The following ANKS1B variants were observed in gnomAD, a reference collection of about 807,000 sequenced individuals.
ANKS1B encodes the protein ankyrin repeat and sterile alpha motif domain-containing protein 1B.
Under a neutral mutation model 148.3 loss-of-function variants are expected in ANKS1B, and 36 were observed. The observed-to-expected ratio is 0.24, with a 90% CI of 0.19 to 0.32. ANKS1B has a LOEUF of 0.32. Among genes scored for constraint, ANKS1B ranks in the 10% least tolerant of loss-of-function variants. ANKS1B has a pLI of 1.00. For synonymous variants in ANKS1B, 542 were observed against 560.8 expected (o/e 0.97, Z 0.47); for missense variants, 1,157 against 1,542.6 (o/e 0.75, Z 4.19).
chr12:99,211,141 C>T (rs1601708643), intron 14 of ANKS1B, among the ~76,000 whole-genome samples: 1 of 152,162 alleles, frequency 6.6e-6, no homozygotes, highest in African/African-American at 2.4e-5. Flanking sequence ...TAACTTAGGG[C>T]TAATGCCCCT....
intron 8 of ANKS1B, among the ~76,000 whole-genome samples, chr12:99,718,837 C>T (rs1269119380): frequency 6.6e-6 from 1 of 152,188 alleles, no homozygotes; most frequent in Non-Finnish European, 1.5e-5. Context: ...TCAGGCTCAG[C>T]AAATTACCTG....
chr12:99,347,015 T>G (rs1004711599), intron 12 of ANKS1B, among the ~76,000 whole-genome samples: 1 of 152,102 alleles, frequency 6.6e-6, no homozygotes, highest in East Asian at 1.9e-4. Context: ...GTTCTACCAG[T>G]GTGGGTCCTG....
Position 99,580,439 on chromosome 12 carries a change from G to A in ANKS1B, c.1272+74628C>T, listed in dbSNP as rs77724722. 3.4e-3 allele frequency among the ~76,000 whole-genome samples: 513 copies of A among 152,176 alleles called. 28 individuals carry two copies. In the East Asian group the frequency reaches 0.09, roughly 27 times the overall value. ...CCTATTAGGGATAAATATAATGACA[G>A]AACATTGCTCAAAGAAATTTGAAAC... On this transcript the variant is annotated intron_variant, in intron 9 of 26. Coordinates refer to ENST00000683438, the MANE Select transcript of ANKS1B (RefSeq NM_001352186.2).
chr12:98,759,709 A>T (rs182371766), intron 25 of ANKS1B, among the ~76,000 whole-genome samples: 66 of 152,320 alleles, frequency 4.3e-4, no homozygotes, highest in African/African-American at 1.6e-3. Flanking sequence ...AGGACTGATT[A>T]AGTAGAATAC....
chr12:98,819,227 G>A lies in ANKS1B; in HGVS notation c.3066+9947C>T, dbSNP rs1009699433. ...TGGAAAAGGATAATGTAAATCCAGC[G>A]CTGCTGAGAAAGGAGGCGTAGCTAT... On this transcript the variant is annotated intron_variant, in intron 19 of 26. Coordinates refer to ENST00000683438, the MANE Select transcript of ANKS1B (RefSeq NM_001352186.2). 5.3e-5 allele frequency among the ~76,000 whole-genome samples: 8 copies of A among 152,320 alleles called. No homozygotes were observed. In the East Asian group the frequency reaches 9.6e-4, roughly 18 times the overall value.
At chr12:99,504,424 T>C (rs939851081) in intron 10 of ANKS1B, 52 bp downstream of exon 10, 6 of 1,566,878 alleles carry the variant, frequency 3.8e-6, no homozygotes, top group Non-Finnish European at 5.2e-6. Context: ...TGCATCTTCA[T>C]ATGAATAAGC....
At chr12:99,166,122 C>T (rs1236280790) in intron 14 of ANKS1B, among the ~76,000 whole-genome samples, 1 of 151,214 alleles carries the variant, frequency 6.6e-6, no homozygotes, top group Non-Finnish European at 1.5e-5. Flanking sequence ...TTTCTTAATC[C>T]TGATAAAAAG....
chr12:99,550,487 G>A (rs1459154878), intron 9 of ANKS1B, among the ~76,000 whole-genome samples: 1 of 152,066 alleles, frequency 6.6e-6, no homozygotes, highest in Non-Finnish European at 1.5e-5. Flanking sequence ...AGCTGGGCAT[G>A]GTGGCTGGCA....
chr12:99,180,488 T>A (rs763866355), intron 14 of ANKS1B, among the ~76,000 whole-genome samples: 1 of 152,162 alleles, frequency 6.6e-6, no homozygotes, highest in Non-Finnish European at 1.5e-5. Flanking sequence ...CAGTGCTTAC[T>A]TTCCCAAAAA....
chr12:99,672,754 G>T (rs1500659), intron 8 of ANKS1B, among the ~76,000 whole-genome samples: 41,514 of 151,946 alleles, frequency 0.27, 5,985 homozygotes, highest in Non-Finnish European at 0.3. Context: ...CCCAGCCATA[G>T]AATACCTTTA....
chr12:99,950,533 TA>T (rs1259204599), intron 1 of ANKS1B, among the ~76,000 whole-genome samples: 1 of 152,196 alleles, frequency 6.6e-6, no homozygotes, highest in East Asian at 1.9e-4. Context: ...CCAGATAATG[TA>T]ATGTAATTAT....
At chr12:99,571,484 A>G (rs2048327319) in intron 9 of ANKS1B, among the ~76,000 whole-genome samples, 1 of 152,036 alleles carries the variant, frequency 6.6e-6, no homozygotes, top group Non-Finnish European at 1.5e-5. Flanking sequence ...GAGTGGTACT[A>G]TTTTTGCCAA....
chr12:99,860,813 T>A (rs2089928480), intron 1 of ANKS1B, among the ~76,000 whole-genome samples: 1 of 152,112 alleles, frequency 6.6e-6, no homozygotes, highest in African/African-American at 2.4e-5. Context: ...CTGAAGAGTA[T>A]AATAAACTCA....
intron 10 of ANKS1B, among the ~76,000 whole-genome samples, chr12:99,484,052 G>C (rs1567191078): frequency 6.6e-6 from 1 of 151,650 alleles, no homozygotes; most frequent in Non-Finnish European, 1.5e-5. Context: ...GGTTTAGTTT[G>C]TTCTTGTTTC....
chr12:99,943,115 T>A (rs945983183), intron 1 of ANKS1B, among the ~76,000 whole-genome samples: 1 of 152,132 alleles, frequency 6.6e-6, no homozygotes, highest in Non-Finnish European at 1.5e-5. Context: ...GAAGGCAACA[T>A]AGAGGAGGAT....
At chr12:99,055,546 G>T (rs535246099) in intron 16 of ANKS1B, among the ~76,000 whole-genome samples, 2 of 152,318 alleles carry the variant, frequency 1.3e-5, no homozygotes, top group African/African-American at 4.8e-5. Flanking sequence ...CACACAGAGG[G>T]TGTTGATGGT....
At chr12:98,789,458 A>T (rs1593723626) in intron 22 of ANKS1B, among the ~76,000 whole-genome samples, 1 of 152,296 alleles carries the variant, frequency 6.6e-6, no homozygotes, top group East Asian at 1.9e-4. Context: ...TTCTCCCTCA[A>T]ATTAAGCACA....
At chr12:99,765,347 T>C (rs989431832) in intron 8 of ANKS1B, among the ~76,000 whole-genome samples, 1 of 152,186 alleles carries the variant, frequency 6.6e-6, no homozygotes, top group Non-Finnish European at 1.5e-5. Context: ...TGGTCACTGT[T>C]TACTGATTTT....
chr12:99,476,168 G>T (rs752882655), intron 10 of ANKS1B, among the ~76,000 whole-genome samples: 1 of 152,136 alleles, frequency 6.6e-6, no homozygotes, highest in Non-Finnish European at 1.5e-5. Context: ...TGAGGCAAGC[G>T]GATTACTTGA....
Sources: gnomAD v4.1 joint callset for allele counts (sites outside exome capture counted in the v4.1 genomes callset) on GRCh38, gnomAD v4.1.1 for gene constraint, MANE v1.5 for transcripts, NCBI Gene and HGNC (gene_info 2026-07-23, HGNC 2026-07-21) for gene names.